Variants in CENPW observed in about 807,000 individuals in gnomAD.
CENPW encodes cancer-up-regulated gene 2 protein.
A neutral mutation model predicts 11.1 loss-of-function variants in CENPW; 3 were observed. The observed-to-expected ratio is 0.27, with a 90% CI of 0.12 to 0.70. The LOEUF (loss-of-function observed/expected upper bound fraction) is 0.70, where lower values mean the gene tolerates loss of function less well. Among genes scored for constraint, CENPW ranks in the 30% least tolerant of loss-of-function variants. The pLI is 0.77. For missense variants in CENPW, 100 were observed against 105.6 expected (o/e 0.95, Z 0.23); for synonymous variants, 38 against 42.0 (o/e 0.91, Z 0.37).
chr6:126,347,493 A>G (rs1283913928), intron 2 of CENPW, among the ~76,000 whole-genome samples: 1 of 152,142 alleles, frequency 6.6e-6, no homozygotes, highest in Non-Finnish European at 1.5e-5. Flanking sequence ...GCGTTTTGTA[A>G]ATTCATTTGA....
rs1780269333 is a variant in CENPW at position 126,340,127 on chromosome 6, G to A, written c.-147G>A. ...GAGCGCCGGGCGCGTTCCGTTGGCG[G>A]CGGATTCGAACGTTCGGACTGAGGT... On this transcript the variant is annotated 5_prime_UTR_variant, in exon 1 of 3. Coordinates refer to ENST00000368328, the MANE Select transcript of CENPW (RefSeq NM_001012507.4). 2.6e-6 allele frequency: 2 copies of A among 758,748 alleles called. No homozygotes were observed. The highest frequency in any genetic ancestry group is 3.5e-5 in the African/African-American group (2 of 57,396). 47.0% of individuals were successfully genotyped at this position (758,748 alleles called of 1,614,324 possible).
the CENPW span, among the ~76,000 whole-genome samples, chr6:126,427,726 T>C: frequency 3.3e-5 from 5 of 152,226 alleles, no homozygotes; most frequent in Non-Finnish European, 7.3e-5. Flanking sequence ...AACAAAGTAT[T>C]CAACTGTTGT....
the CENPW span, among the ~76,000 whole-genome samples, chr6:126,464,268 A>G: frequency 6.6e-5 from 10 of 152,246 alleles, no homozygotes; most frequent in East Asian, 1.5e-3. Context: ...GTGAAATGTC[A>G]TATTCATGCC....
the CENPW span, among the ~76,000 whole-genome samples, chr6:126,371,816 A>G: frequency 1.6e-4 from 24 of 152,256 alleles, no homozygotes; most frequent in African/African-American, 5.5e-4. Flanking sequence ...CAAGCGTTGT[A>G]TATTTCCAAG....
chr6:126,404,029 A>G, the CENPW span, among the ~76,000 whole-genome samples: 1 of 152,040 alleles, frequency 6.6e-6, no homozygotes, highest in Non-Finnish European at 1.5e-5. Context: ...ATTATGCTAC[A>G]TCTACTCTGT....
the CENPW span, among the ~76,000 whole-genome samples, chr6:126,418,177 A>T: frequency 1.3e-5 from 2 of 152,244 alleles, no homozygotes; most frequent in African/African-American, 4.8e-5. Context: ...TACTTTGTGC[A>T]GTAGTCTGGC....
the CENPW span, among the ~76,000 whole-genome samples, chr6:126,475,868 T>G: frequency 6.6e-6 from 1 of 152,052 alleles, no homozygotes. Flanking sequence ...TCTTTATACA[T>G]GGAATGCCAG....
At chr6:126,395,776 C>G in the CENPW span, among the ~76,000 whole-genome samples, 1 of 152,158 alleles carries the variant, frequency 6.6e-6, no homozygotes, top group South Asian at 2.1e-4. Context: ...CACTGTGGTT[C>G]TTGCAGACTC....
chr6:126,467,297 A>C, the CENPW span, among the ~76,000 whole-genome samples: 1 of 152,202 alleles, frequency 6.6e-6, no homozygotes, highest in Non-Finnish European at 1.5e-5. Context: ...AACCAGATAC[A>C]TAGACCAATG....
At chr6:126,387,707 C>T in the CENPW span, among the ~76,000 whole-genome samples, 3 of 151,928 alleles carry the variant, frequency 2.0e-5, no homozygotes, top group African/African-American at 4.8e-5. Context: ...TTACATAAAC[C>T]GCTTTGAGGT....
At chr6:126,424,228 G>A in the CENPW span, among the ~76,000 whole-genome samples, 1 of 151,950 alleles carries the variant, frequency 6.6e-6, no homozygotes, top group Non-Finnish European at 1.5e-5. Flanking sequence ...GTCCTATTCT[G>A]AAGACCACAC....
At chr6:126,419,096 A>T in the CENPW span, among the ~76,000 whole-genome samples, 96 of 152,126 alleles carry the variant, frequency 6.3e-4, no homozygotes, top group South Asian at 1.0e-3. Flanking sequence ...ATATATATAT[A>T]TTTTAAAAAG....
chr6:126,348,396 C>A, intron 2 of CENPW, 70 bp from the exon 3 acceptor site: 1 of 895,596 alleles, frequency 1.1e-6, no homozygotes. Flanking sequence ...GACTATTTAA[C>A]TTTTTGTTAA....
the CENPW span, among the ~76,000 whole-genome samples, chr6:126,428,781 G>GT: frequency 2.0e-5 from 3 of 151,856 alleles, no homozygotes; most frequent in Non-Finnish European, 4.4e-5. Context: ...ACTGTGCCTT[G>GT]TTTTTTTTGT....
rs778779849 is a variant in CENPW, at chr6:126,346,235, C to T, written c.157C>T (p.Arg53Ter). 8 of 1,603,734 alleles carry T rather than the reference C, an allele frequency of 5.0e-6. No homozygotes were observed. The highest frequency in any genetic ancestry group is 4.0e-5 in the African/African-American group (3 of 74,816). ...VHLNCLLFVH[R>*]LAEESRTNAC... ...TCTGAACTGTTTACTGTTTGTTCAT[C>T]GATTAGCAGAAGAGTCCAGGACAAA... is the stretch of plus-strand genomic sequence containing the variant. The change falls in exon 2 of 3, where the codon CGA (arginine) becomes TGA (stop). Residue 53 changes from arginine (R) to a stop codon, truncating the protein, a stop_gained. Transcript: ENST00000368328. LOFTEE classifies it high-confidence loss of function.
the CENPW span, among the ~76,000 whole-genome samples, chr6:126,406,397 T>C: frequency 6.6e-6 from 1 of 152,228 alleles, no homozygotes; most frequent in Non-Finnish European, 1.5e-5. Context: ...TATTGAACTG[T>C]ATTTTTTTCT....
the CENPW span, among the ~76,000 whole-genome samples, chr6:126,466,873 T>G: frequency 6.6e-6 from 1 of 151,826 alleles, no homozygotes; most frequent in African/African-American, 2.4e-5. Flanking sequence ...AATCAGGAAC[T>G]CAATCATATT....
At chr6:126,481,770 AT>A in the CENPW span, among the ~76,000 whole-genome samples, 1 of 152,138 alleles carries the variant, frequency 6.6e-6, no homozygotes, top group Non-Finnish European at 1.5e-5. Context: ...GAATGTACCC[AT>A]TTTAAACACC....
the CENPW span, among the ~76,000 whole-genome samples, chr6:126,457,610 C>T: frequency 1.3e-5 from 2 of 151,238 alleles, no homozygotes; most frequent in Non-Finnish European, 3.0e-5. Flanking sequence ...GCTTTATCAG[C>T]GTCATGACAT....
Sources: allele counts gnomAD v4.1 joint callset (sites outside exome capture counted in the v4.1 genomes callset), GRCh38; gene constraint gnomAD v4.1.1; transcripts MANE v1.5; gene names NCBI Gene and HGNC (gene_info 2026-07-23, HGNC 2026-07-21).